Variants in ABTB2 observed in about 807,000 individuals in gnomAD.
The protein encoded by ABTB2 is ankyrin repeat and BTB/POZ domain-containing protein 2.
In ABTB2, 56 loss-of-function variants were observed where a neutral mutation model predicts 104.1. That is an observed-to-expected ratio of 0.54 (90% CI 0.43 to 0.67). ABTB2 has a LOEUF of 0.67. Among genes scored for constraint, ABTB2 ranks in the 30% least tolerant of loss-of-function variants. The pLI, the probability that ABTB2 is intolerant of heterozygous loss-of-function variation, is 0.00. For missense variants in ABTB2, 1,279 were observed against 1,407.7 expected (o/e 0.91, Z 1.46); for synonymous variants, 606 against 608.2 (o/e 1.00, Z 0.05).
intron 3 of ABTB2, among the ~76,000 whole-genome samples, chr11:34,185,539 T>C (rs1454701759): frequency 2.0e-5 from 3 of 148,976 alleles, no homozygotes; most frequent in Non-Finnish European, 3.0e-5. Flanking sequence ...GAGGGAGATA[T>C]ACTTATTAGT....
chr11:34,192,228 A>G (rs1260581245), intron 3 of ABTB2, among the ~76,000 whole-genome samples: 2 of 152,112 alleles, frequency 1.3e-5, no homozygotes, highest in African/African-American at 4.8e-5. Context: ...AGGATGTCAA[A>G]GAGGCAGTGA....
intron 3 of ABTB2, among the ~76,000 whole-genome samples, chr11:34,195,283 A>G (rs12291748): frequency 0.13 from 19,631 of 152,110 alleles, 2,031 homozygotes; most frequent in East Asian, 0.33. Flanking sequence ...CCTCCCAGAT[A>G]TCTTCCCTGC....
intron 3 of ABTB2, among the ~76,000 whole-genome samples, chr11:34,183,258 A>C (rs552150324): frequency 6.6e-6 from 1 of 151,934 alleles, no homozygotes; most frequent in East Asian, 1.9e-4. Flanking sequence ...GTGCCACCAG[A>C]CTCGGCTAAG....
rs773349926 is a variant in ABTB2, at chr11:34,197,500, G to A, written c.1069C>T (p.Arg357Cys). 1.6e-5 allele frequency: 25 copies of A among 1,579,404 alleles called. No individual in the cohort carries two copies. In the Admixed American group the frequency reaches 1.8e-4, roughly 11 times the overall value. Reference protein sequence around the residue: ...VSRAMHHMQGRHPLCPGASPA... With the variant: ...VSRAMHHMQGCHPLCPGASPA... ...CTGGCACCCGGGCACAGGGGGTGACGCCCCTGCATGTGGTGCATGGCACGG... is the reference window on the plus strand; with the variant it reads ...CTGGCACCCGGGCACAGGGGGTGACACCCCTGCATGTGGTGCATGGCACGG... Residue 357 changes from arginine (R) to cysteine (C), a missense_variant, in exon 3 of 17, where the codon CGT becomes TGT. By Grantham distance (180) the Arg-to-Cys change is radical (BLOSUM62 -3). Coordinates refer to ENST00000435224, the MANE Select transcript of ABTB2 (RefSeq NM_145804.3).
chr11:34,203,870 C>T (rs1213006979), intron 2 of ABTB2, among the ~76,000 whole-genome samples: 1 of 152,146 alleles, frequency 6.6e-6, no homozygotes, highest in Non-Finnish European at 1.5e-5. Context: ...ACTGGGTGAT[C>T]TCAACAGAGC....
chr11:34,238,751 A>G (rs1470419060), intron 1 of ABTB2, among the ~76,000 whole-genome samples: 2 of 152,044 alleles, frequency 1.3e-5, no homozygotes, highest in Non-Finnish European at 2.9e-5. Context: ...CCCATTAATC[A>G]TCATTCTTTT....
intron 1 of ABTB2, among the ~76,000 whole-genome samples, chr11:34,245,830 C>T (rs936042318): frequency 6.6e-6 from 1 of 152,208 alleles, no homozygotes; most frequent in African/African-American, 2.4e-5. Flanking sequence ...CCCATCTCAC[C>T]AGCTCCAATC....
intron 1 of ABTB2, among the ~76,000 whole-genome samples, chr11:34,344,266 G>A (rs780392695): frequency 5.9e-5 from 9 of 152,202 alleles, no homozygotes; most frequent in Admixed American, 1.3e-4. Flanking sequence ...CAGAGTTGAT[G>A]ATCTTTATTA....
At chr11:34,219,616 A>G (rs375321338) in intron 1 of ABTB2, among the ~76,000 whole-genome samples, 1 of 152,334 alleles carries the variant, frequency 6.6e-6, no homozygotes, top group East Asian at 1.9e-4. Context: ...TCATAGTGCA[A>G]TGCATTACCT....
intron 1 of ABTB2, among the ~76,000 whole-genome samples, chr11:34,352,911 A>G (rs960520441): frequency 2.6e-5 from 4 of 152,156 alleles, no homozygotes; most frequent in African/African-American, 9.7e-5. Context: ...AATTTTAAAA[A>G]TTAGCTGGGT....
chr11:34,183,652 G>T lies in ABTB2; in HGVS notation c.1245-10345C>A, dbSNP rs188984462. Among the ~76,000 whole-genome samples, 13 of 152,268 alleles carry T rather than the reference G, an allele frequency of 8.5e-5. No individual in the cohort carries two copies. In the East Asian group the frequency reaches 2.5e-3, roughly 29 times the overall value. ...CTACCTTAGTGCCTGCACAGCACTCGTCCAATTTGCAATGATTTGGTTGGT... is the reference window on the plus strand; with the variant it reads ...CTACCTTAGTGCCTGCACAGCACTCTTCCAATTTGCAATGATTTGGTTGGT... On this transcript the variant is annotated intron_variant, in intron 3 of 16. Coordinates refer to ENST00000435224, the MANE Select transcript of ABTB2 (RefSeq NM_145804.3).
At chr11:34,280,921 C>G (rs1291883750) in intron 1 of ABTB2, among the ~76,000 whole-genome samples, 1 of 152,256 alleles carries the variant, frequency 6.6e-6, no homozygotes, top group African/African-American at 2.4e-5. Flanking sequence ...CATATAACTA[C>G]CCGCAATATA....
intron 13 of ABTB2, 81 bp from the exon 14 acceptor site, chr11:34,159,467 G>T: frequency 1.1e-6 from 1 of 899,154 alleles, no homozygotes; most frequent in Non-Finnish European, 1.9e-6. Flanking sequence ...TCTGTCACCT[G>T]ACCGGCTACC....
intron 1 of ABTB2, among the ~76,000 whole-genome samples, chr11:34,221,927 C>T (rs1281771832): frequency 1.3e-5 from 2 of 152,080 alleles, no homozygotes; most frequent in Admixed American, 6.6e-5. Context: ...TAATCCCAAT[C>T]CTATCTACTT....
At chr11:34,160,178 G>A (rs1339659396) in intron 12 of ABTB2, 70 bp downstream of exon 12, 12 of 1,416,054 alleles carry the variant, frequency 8.5e-6, no homozygotes, top group African/African-American at 2.8e-5. Flanking sequence ...ATGACAAAGT[G>A]GGGAGGAAGC....
intron 1 of ABTB2, among the ~76,000 whole-genome samples, chr11:34,351,261 G>A (rs997085529): frequency 2.7e-5 from 3 of 111,088 alleles, no homozygotes; most frequent in Admixed American, 2.5e-4. Flanking sequence ...AAACTCTTCT[G>A]AGCAATAGTC....
chr11:34,322,853 T>A (rs1426612541), intron 1 of ABTB2, among the ~76,000 whole-genome samples: 2 of 152,034 alleles, frequency 1.3e-5, no homozygotes, highest in Non-Finnish European at 2.9e-5. Flanking sequence ...AATTTTTGTA[T>A]TTTTTTGTAG....
At chr11:34,217,235 C>T (rs7129088) in intron 1 of ABTB2, among the ~76,000 whole-genome samples, 8,560 of 152,192 alleles carry the variant, frequency 0.056, 806 homozygotes, top group African/African-American at 0.19. Flanking sequence ...ATTTCCTAGG[C>T]GAAGCCAACA....
intron 1 of ABTB2, among the ~76,000 whole-genome samples, chr11:34,316,236 A>C (rs1476681427): frequency 6.6e-6 from 1 of 152,216 alleles, no homozygotes; most frequent in African/African-American, 2.4e-5. Context: ...TCAGTCCCAG[A>C]TTCTGGCCAT....
Sources: allele counts gnomAD v4.1 joint callset (sites outside exome capture counted in the v4.1 genomes callset), GRCh38; gene constraint gnomAD v4.1.1; transcripts MANE v1.5; gene names NCBI Gene and HGNC (gene_info 2026-07-23, HGNC 2026-07-21).